ZNF438: variants seen among roughly 807,000 people sequenced by gnomAD.
The protein encoded by ZNF438 is zinc finger protein 438.
Under a neutral mutation model 38.0 loss-of-function variants are expected in ZNF438, and 25 were observed. That is an observed-to-expected ratio of 0.66 (90% CI 0.48 to 0.92). The LOEUF is 0.92. Among genes scored for constraint, ZNF438 ranks in the 40% least tolerant of loss-of-function variants. The pLI is 0.00. For synonymous variants in ZNF438, 372 were observed against 364.1 expected (o/e 1.02, Z -0.25); for missense variants, 1,007 against 999.6 (o/e 1.01, Z -0.10).
At chr10:30,892,209 CTG>C (rs1444007556) in intron 3 of ZNF438, among the ~76,000 whole-genome samples, 2 of 148,764 alleles carry the variant, frequency 1.3e-5, no homozygotes, top group Non-Finnish European at 3.0e-5. Flanking sequence ...ATGTCTAAAA[CTG>C]TGGATAGTAC....
At chr10:30,865,811 T>C (rs899777678) in intron 4 of ZNF438, among the ~76,000 whole-genome samples, 16 of 152,218 alleles carry the variant, frequency 1.1e-4, no homozygotes, top group African/African-American at 3.9e-4. Flanking sequence ...TGGAATGAAT[T>C]TGAGCAAGAT....
At chr10:30,964,804 G>A (rs1248519030) in intron 1 of ZNF438, among the ~76,000 whole-genome samples, 3 of 152,084 alleles carry the variant, frequency 2.0e-5, no homozygotes, top group Non-Finnish European at 1.5e-5. Context: ...ATGTAGACAT[G>A]CACACAGTCA....
chr10:30,932,476 T>C (rs1033097754), intron 2 of ZNF438, among the ~76,000 whole-genome samples: 10 of 152,202 alleles, frequency 6.6e-5, no homozygotes, highest in East Asian at 5.8e-4. Context: ...ATTTTGTCCT[T>C]ACTGCAATCC....
intron 4 of ZNF438, 113 bp downstream of exon 5, chr10:30,876,885 T>G (rs1012522862): frequency 1.1e-5 from 8 of 702,620 alleles, no homozygotes; most frequent in African/African-American, 1.9e-5. Context: ...TTATAATTTT[T>G]ATTTTTAATT....
chr10:30,855,635 C>G (rs993405830), intron 4 of ZNF438, among the ~76,000 whole-genome samples: 1 of 152,208 alleles, frequency 6.6e-6, no homozygotes, highest in South Asian at 2.1e-4. Context: ...GAGAAAAAAC[C>G]CTCGTAATTA....
At chr10:30,955,284 A>G (rs1435918709) in intron 1 of ZNF438, among the ~76,000 whole-genome samples, 1 of 152,258 alleles carries the variant, frequency 6.6e-6, no homozygotes, top group African/African-American at 2.4e-5. Context: ...GTGACCAGAT[A>G]GTGGACTGTG....
chr10:30,953,469 C>G (rs565467540), intron 1 of ZNF438, among the ~76,000 whole-genome samples: 34 of 150,142 alleles, frequency 2.3e-4, no homozygotes, highest in Non-Finnish European at 3.3e-4. Context: ...AGATACTAAT[C>G]ATTAAGAAAA....
intron 4 of ZNF438, among the ~76,000 whole-genome samples, chr10:30,862,455 A>G: frequency 6.6e-6 from 1 of 151,934 alleles, no homozygotes; most frequent in East Asian, 1.9e-4. Context: ...CATGCACACC[A>G]CCCTGTGTGG....
chr10:30,872,534 A>G (rs1255169994), intron 4 of ZNF438, among the ~76,000 whole-genome samples: 1 of 148,830 alleles, frequency 6.7e-6, no homozygotes. Flanking sequence ...ACAGATCACG[A>G]GGTCAGGAGA....
chr10:30,878,885 T>C (rs965033719), intron 3 of ZNF438, among the ~76,000 whole-genome samples: 3 of 152,034 alleles, frequency 2.0e-5, no homozygotes, highest in South Asian at 2.1e-4. Context: ...GGCACCCCCA[T>C]TGCAAATCTG....
chr10:30,980,124 G>A (rs2051937500), intron 1 of ZNF438, among the ~76,000 whole-genome samples: 1 of 152,226 alleles, frequency 6.6e-6, no homozygotes, highest in Admixed American at 6.5e-5. Context: ...AGGAGAGTGA[G>A]CAAGACAGTG....
At chr10:30,848,427 C>A in intron 5 of ZNF438, 104 bp downstream of exon 6, 2 of 1,349,466 alleles carry the variant, frequency 1.5e-6, no homozygotes, top group Non-Finnish European at 2.0e-6. Flanking sequence ...AAATCTTAAT[C>A]CTAGAGATGT....
intron 1 of ZNF438, among the ~76,000 whole-genome samples, chr10:30,972,248 C>T (rs1267726422): frequency 1.3e-5 from 2 of 152,136 alleles, no homozygotes; most frequent in African/African-American, 2.4e-5. Flanking sequence ...GGATTACAAG[C>T]GTGAGCCGCC....
intron 1 of ZNF438, among the ~76,000 whole-genome samples, chr10:31,017,393 C>T (rs2056277816): frequency 1.3e-5 from 2 of 152,180 alleles, no homozygotes; most frequent in Non-Finnish European, 2.9e-5. Context: ...AGCCTACTTC[C>T]TGCTGGTGCA....
chr10:30,932,242 A>C (rs1265620739), intron 2 of ZNF438, among the ~76,000 whole-genome samples: 1 of 152,192 alleles, frequency 6.6e-6, no homozygotes, highest in Admixed American at 6.5e-5. Flanking sequence ...ACTTATTAAA[A>C]TTCTAGTCTC....
At chr10:30,945,046 A>AT (rs199523903) in intron 1 of ZNF438, among the ~76,000 whole-genome samples, 358 of 139,276 alleles carry the variant, frequency 2.6e-3, no homozygotes, top group Middle Eastern at 7.3e-3. Flanking sequence ...ACTCTTCCAG[A>AT]TTTTTTTTTT....
In ZNF438 at chr10:30,926,234, G is replaced by A. The variant is rs75953821; in HGVS notation, c.-115+15341C>T. Among the ~76,000 whole-genome samples, 612 of 152,180 alleles carry A rather than the reference G, an allele frequency of 4.0e-3. 6 individuals are homozygous for A. Among genetic ancestry groups the A allele is most frequent in the African/African-American group, 0.014 (561 of 41,504 alleles). ...CGGATGTACATAATTGTCAAAACTC[G>A]CTGAACTCAACACAAGAGCTGTGAG... On this transcript the variant is annotated intron_variant, in intron 2 of 5. Transcript: ENST00000413025.
intron 2 of ZNF438, among the ~76,000 whole-genome samples, chr10:30,911,539 A>G (rs1220312212): frequency 1.3e-5 from 2 of 152,158 alleles, no homozygotes; most frequent in East Asian, 1.9e-4. Flanking sequence ...GGACACATAC[A>G]ATACAAAAAC....
intron 1 of ZNF438, among the ~76,000 whole-genome samples, chr10:30,989,835 G>A (rs2053276436): frequency 6.6e-6 from 1 of 151,770 alleles, no homozygotes; most frequent in Admixed American, 6.6e-5. Context: ...CTCCACCATA[G>A]TCTCAAGTTT....
Sources: allele counts gnomAD v4.1 joint callset (sites outside exome capture counted in the v4.1 genomes callset), GRCh38; gene constraint gnomAD v4.1.1; transcripts MANE v1.5; gene names NCBI Gene and HGNC (gene_info 2026-07-23, HGNC 2026-07-21).